Variants in LRRK1 observed in about 807,000 individuals in gnomAD.
The protein encoded by LRRK1 is leucine-rich repeat serine/threonine-protein kinase 1.
A neutral mutation model predicts 209.1 loss-of-function variants in LRRK1; 113 were observed. The ratio of observed to expected loss-of-function variants is 0.54; its 90% confidence interval spans 0.46 to 0.63. LRRK1 has a LOEUF of 0.63. Among genes scored for constraint, LRRK1 ranks in the 30% least tolerant of loss-of-function variants. The pLI is 0.00. For synonymous variants in LRRK1, 1,144 were observed against 1,099.7 expected (o/e 1.04, Z -0.80); for missense variants, 2,284 against 2,632.2 (o/e 0.87, Z 2.89).
rs1268466646 is a variant in LRRK1, at chr15:101,051,980, C to G, written c.3689+20C>G. 1 of 1,608,928 alleles carries G rather than the reference C, an allele frequency of 6.2e-7. No individual in the cohort carries two copies. Among genetic ancestry groups the G allele is most frequent in the Admixed American group, 1.7e-5 (1 of 59,846 alleles). ...GGCCAGGTATGCCCCGAAGGCCCCT[C>G]CCAGAACACAGTGCAGGTCACAGGG... On this transcript the variant is annotated intron_variant, in intron 24 of 33. Transcript: ENST00000388948.
Position 101,075,249 on chromosome 15 carries a change from C to G in LRRK1, c.*6401C>G, listed in dbSNP as rs1189147935. 2 of 11,616 alleles carry G rather than the reference C, an allele frequency of 1.7e-4. No homozygotes were observed. The highest frequency in any genetic ancestry group is 1.7e-3 in the East Asian group (1 of 598). 0.7% of individuals were successfully genotyped at this position (11,616 alleles called of 1,614,324 possible). On this transcript the variant is annotated 3_prime_UTR_variant, in exon 34 of 34. Coordinates refer to ENST00000388948, the MANE Select transcript of LRRK1 (RefSeq NM_024652.6). ...AACTCTGGTGCCAACTTAGACAATA[C>G]TCTTTTAAGCACTCCTTTTAGTTAT...
chr15:101,002,733 T>C (rs1487778284), intron 6 of LRRK1, among the ~76,000 whole-genome samples: 3 of 148,382 alleles, frequency 2.0e-5, no homozygotes, highest in Non-Finnish European at 4.5e-5. Context: ...CATCTTTTTA[T>C]TTATTTATTT....
Position 101,051,717 on chromosome 15 carries a change from C to G in LRRK1, c.3446C>G (p.Thr1149Arg). The G allele has an allele frequency of 6.2e-7, 1 of 1,613,644 alleles. No individual in the cohort carries two copies. Residue 1149 changes from threonine to arginine, a missense_variant, in exon 24 of 34, where the codon ACA (threonine) becomes AGA (arginine). Transcript: ENST00000388948. ...CTGCTCTGTCCTTATTTAGCCCTGA[C>G]AGCCACAGAGAGCGACGGGACGCCA... ...SLIDQWFPAL[T>R]ATESDGTPLM...
rs1378761821 is a variant in LRRK1, at chr15:100,998,709, A to G, written c.762+9311A>G. 1.3e-5 allele frequency among the ~76,000 whole-genome samples: 2 copies of G among 151,928 alleles called. 1 individual carries two copies. Among genetic ancestry groups the G allele is most frequent in the Admixed American group, 1.3e-4 (2 of 15,248 alleles). ...GATAGATGGGTCAGTGGATGGTTGC[A>G]TGGATGGATAGGAGGATGATAGATG... On this transcript the variant is annotated intron_variant, in intron 6 of 33. Transcript: ENST00000388948.
chr15:100,965,096 G>T lies in LRRK1; in HGVS notation c.98-8708G>T, dbSNP rs144735690. 7.7e-3 allele frequency among the ~76,000 whole-genome samples: 1,173 copies of T among 152,234 alleles called. 18 individuals are homozygous for T. The highest frequency in any genetic ancestry group is 0.027 in the African/African-American group (1,128 of 41,524). On this transcript the variant is annotated intron_variant, in intron 2 of 33. Transcript: ENST00000388948. ...GTGAGCTGCCTGCCGTCAGAGACAC[G>T]GTTGTCACAGCCAGCATTACTCTGT...
chr15:100,972,377 T>A (rs895952874), intron 2 of LRRK1, among the ~76,000 whole-genome samples: 11 of 140,624 alleles, frequency 7.8e-5, no homozygotes, highest in Middle Eastern at 3.6e-3. Flanking sequence ...TGTGTGTGTG[T>A]GTGTGTGTGT....
intron 12 of LRRK1, among the ~76,000 whole-genome samples, chr15:101,015,760 G>A (rs918905368): frequency 7.9e-5 from 12 of 152,300 alleles, no homozygotes; most frequent in Admixed American, 5.2e-4. Context: ...CATTTTGCAC[G>A]TGGGGAGACT....
intron 6 of LRRK1, among the ~76,000 whole-genome samples, chr15:101,002,712 A>G (rs924071117): frequency 8.6e-5 from 13 of 152,028 alleles, no homozygotes; most frequent in African/African-American, 2.9e-4. Context: ...TTTTAATGTC[A>G]AGTGCATGAA....
chr15:101,045,707 T>C (rs553969021), intron 20 of LRRK1, among the ~76,000 whole-genome samples: 3 of 152,236 alleles, frequency 2.0e-5, no homozygotes, highest in African/African-American at 7.2e-5. Context: ...GATGTTTTCA[T>C]GTCTTCCCTT....
At chr15:101,066,543 G>A (rs2141165367) in intron 32 of LRRK1, 97 bp from the exon 33 acceptor site, 1 of 1,094,056 alleles carries the variant, frequency 9.1e-7, no homozygotes, top group Non-Finnish European at 1.4e-6. Context: ...CTGCATGTCT[G>A]TTGCCTCCCT....
intron 26 of LRRK1, among the ~76,000 whole-genome samples, chr15:101,054,056 G>A (rs1047337604): frequency 2.6e-5 from 4 of 152,078 alleles, no homozygotes; most frequent in Non-Finnish European, 5.9e-5. Flanking sequence ...TCAGCTCACT[G>A]CAGCTTTGAC....
intron 2 of LRRK1, among the ~76,000 whole-genome samples, chr15:100,968,765 C>T (rs141185056): frequency 0.011 from 1,524 of 144,512 alleles, 32 homozygotes; most frequent in African/African-American, 0.038. Context: ...TCCTTCCTTC[C>T]CTTCCCCTTT....
rs193247615 is a variant in LRRK1, at chr15:101,069,529, C to G, written c.*681C>G. On this transcript the variant is annotated 3_prime_UTR_variant, in exon 34 of 34. Coordinates refer to ENST00000388948, the MANE Select transcript of LRRK1 (RefSeq NM_024652.6). Reference sequence around the variant, plus strand: ...CCCAGAGGCACACAGTCCGAGTGCACCCGCTTAGCCTTTACATTCCTCTCC... The same window carrying G: ...CCCAGAGGCACACAGTCCGAGTGCAGCCGCTTAGCCTTTACATTCCTCTCC... 45 of 152,726 alleles carry G rather than the reference C, an allele frequency of 2.9e-4. No homozygotes were observed. Among genetic ancestry groups the G allele is most frequent in the African/African-American group, 1.0e-3 (42 of 41,556 alleles). The allele number at this position is 152,726 out of a possible 1,614,324, so 9.5% of individuals were successfully genotyped here. A position where few individuals can be genotyped will look rare whatever the true frequency, so the allele number is the denominator to read the frequency against.
intron 31 of LRRK1, among the ~76,000 whole-genome samples, chr15:101,063,001 G>C (rs1227746591): frequency 6.6e-6 from 1 of 152,166 alleles, no homozygotes; most frequent in Non-Finnish European, 1.5e-5. Flanking sequence ...AGTCATGCGT[G>C]TGCCCTTCCC....
chr15:100,974,063 T>C (rs1435210288), intron 3 of LRRK1, 96 bp downstream of exon 3: 9 of 1,065,084 alleles, frequency 8.5e-6, no homozygotes, highest in East Asian at 6.5e-5. Flanking sequence ...ATAACGGTAA[T>C]GGGCGTTTTT....
chr15:100,977,657 A>G (rs977971873), intron 3 of LRRK1, among the ~76,000 whole-genome samples: 1 of 152,200 alleles, frequency 6.6e-6, no homozygotes, highest in South Asian at 2.1e-4. Context: ...CTGGGTGTCA[A>G]CTGATTCTAA....
rs769234093 is a variant in LRRK1, at chr15:100,988,629, G to A, written c.434-5G>A. On this transcript the variant is annotated splice_polypyrimidine_tract_variant and splice_region_variant and intron_variant, in intron 4 of 33. Transcript: ENST00000388948. ...CTTTCCCTTTGTCCTGCCATCTCCT[G>A]CCAGGTCCCTGCAGTCCCCAGCGGC... is the stretch of plus-strand genomic sequence containing the variant. 23 of 1,614,024 alleles carry A rather than the reference G, an allele frequency of 1.4e-5. No individual in the cohort carries two copies. Among genetic ancestry groups the A allele is most frequent in the Non-Finnish European group, 1.8e-5 (21 of 1,180,018 alleles).
intron 20 of LRRK1, chr15:101,043,875 T>A (rs1381742821): frequency 6.6e-6 from 1 of 152,184 alleles, no homozygotes; most frequent in Non-Finnish European, 1.5e-5. Flanking sequence ...CAGGGCCTCC[T>A]GCATGGGAAC....
At position 101,048,395 on chromosome 15, in the gene LRRK1, A is replaced by G. The variant is rs184266118; in HGVS notation, c.3136-99A>G. The G allele has an allele frequency of 1.1e-5, 12 of 1,061,032 alleles. No homozygotes were observed. In the African/African-American group the frequency reaches 1.9e-4, roughly 16 times the overall value. 65.7% of individuals were successfully genotyped at this position (1,061,032 alleles called of 1,614,324 possible). A position where few individuals can be genotyped will look rare whatever the true frequency, so the allele number is the denominator to read the frequency against. On this transcript the variant is annotated intron_variant, in intron 21 of 33. Transcript: ENST00000388948. ...GGAGAGGGTGGGAAAGATGGGGGACATTTATCAAGATGGGGCCCAGCCCGG... is the reference window on the plus strand; with the variant it reads ...GGAGAGGGTGGGAAAGATGGGGGACGTTTATCAAGATGGGGCCCAGCCCGG...
Sources: gnomAD v4.1 joint callset for allele counts (sites outside exome capture counted in the v4.1 genomes callset) on GRCh38, gnomAD v4.1.1 for gene constraint, MANE v1.5 for transcripts, NCBI Gene and HGNC (gene_info 2026-07-23, HGNC 2026-07-21) for gene names.